FGF12: variants seen among roughly 807,000 people sequenced by gnomAD.
The protein encoded by FGF12 is fibroblast growth factor 12, also known as fibroblast growth factor 12B.
FGF12 carries 14 observed loss-of-function variants against 23.6 expected under a neutral mutation model. The ratio of observed to expected loss-of-function variants is 0.59; its 90% confidence interval spans 0.39 to 0.93. The LOEUF is 0.93. FGF12 is among the 40% of genes least tolerant of loss of function. The probability of loss-of-function intolerance (pLI) is 0.00; values close to 1 mark genes in which losing one functional copy is unlikely to be tolerated. For synonymous variants in FGF12, 62 were observed against 77.3 expected, an observed-to-expected ratio of 0.80 and a Z score of 1.04; for missense variants, 175 against 217.8, an observed-to-expected ratio of 0.80 and a Z score of 1.24.
intron 4 of FGF12, among the ~76,000 whole-genome samples, chr3:192,240,737 A>T (rs1308334850): frequency 6.6e-6 from 1 of 152,174 alleles, no homozygotes; most frequent in Non-Finnish European, 1.5e-5. Context: ...GTCAGAAGAC[A>T]TATCTCCCCC....
At chr3:192,507,601 C>T (rs760608316) in intron 2 of FGF12, among the ~76,000 whole-genome samples, 25 of 152,140 alleles carry the variant, frequency 1.6e-4, no homozygotes, top group Non-Finnish European at 2.9e-4. Flanking sequence ...CTCCATATTC[C>T]GTACCATGGC....
At chr3:192,483,129 C>G (rs9822300) in intron 2 of FGF12, among the ~76,000 whole-genome samples, 1 of 152,302 alleles carries the variant, frequency 6.6e-6, no homozygotes, top group Admixed American at 6.5e-5. Flanking sequence ...CTCAGCACCC[C>G]TTATGTTAGC....
intron 4 of FGF12, among the ~76,000 whole-genome samples, chr3:192,213,526 T>C (rs1430227609): frequency 6.6e-6 from 1 of 152,200 alleles, no homozygotes; most frequent in Admixed American, 6.5e-5. Context: ...TTTTCCACTA[T>C]AGTGATGATG....
chr3:192,582,353 T>A (rs988657176), intron 2 of FGF12, among the ~76,000 whole-genome samples: 1 of 152,166 alleles, frequency 6.6e-6, no homozygotes, highest in Non-Finnish European at 1.5e-5. Context: ...GGAGGGGAAC[T>A]CTAACTGAAA....
At chr3:192,530,573 T>G (rs1476513976) in intron 2 of FGF12, among the ~76,000 whole-genome samples, 1 of 152,214 alleles carries the variant, frequency 6.6e-6, no homozygotes, top group Non-Finnish European at 1.5e-5. Context: ...TATAAAATAT[T>G]TAAGAATTGT....
At chr3:192,599,731 T>G (rs182527005) in intron 2 of FGF12, among the ~76,000 whole-genome samples, 64 of 152,114 alleles carry the variant, frequency 4.2e-4, no homozygotes, top group Non-Finnish European at 8.5e-4. Flanking sequence ...AGAGAATGAC[T>G]GTGCTTTCAT....
chr3:192,567,194 G>A (rs1445145041), intron 2 of FGF12, among the ~76,000 whole-genome samples: 2 of 152,124 alleles, frequency 1.3e-5, no homozygotes, highest in African/African-American at 4.8e-5. Flanking sequence ...TCAAAACTTT[G>A]TCGTTGTTTC....
intron 2 of FGF12, among the ~76,000 whole-genome samples, chr3:192,704,881 T>C (rs182094154): frequency 1.3e-5 from 2 of 152,258 alleles, no homozygotes; most frequent in African/African-American, 2.4e-5. Context: ...GTTACAAAGA[T>C]GGCTTCTTTC....
intron 2 of FGF12, among the ~76,000 whole-genome samples, chr3:192,559,779 T>C (rs1711935860): frequency 6.6e-6 from 1 of 152,032 alleles, no homozygotes; most frequent in South Asian, 2.1e-4. Context: ...AGACACTCTC[T>C]GTACTTTCCA....
At chr3:192,455,394 C>A (rs1722649850) in intron 2 of FGF12, among the ~76,000 whole-genome samples, 1 of 152,124 alleles carries the variant, frequency 6.6e-6, no homozygotes, top group African/African-American at 2.4e-5. Flanking sequence ...GGACCCAAAT[C>A]TTATGTGGAA....
chr3:192,417,249 C>T (rs955450524), intron 2 of FGF12, among the ~76,000 whole-genome samples: 3 of 151,410 alleles, frequency 2.0e-5, no homozygotes, highest in South Asian at 2.1e-4. Flanking sequence ...AGGAAATAGC[C>T]GTAACTGGCC....
chr3:192,669,200 T>C (rs1034148910), intron 2 of FGF12, among the ~76,000 whole-genome samples: 3 of 151,960 alleles, frequency 2.0e-5, no homozygotes, highest in Admixed American at 1.3e-4. Context: ...TGATAGAAAA[T>C]GCAAAACATG....
chr3:192,307,536 C>T (rs995106984), intron 4 of FGF12, among the ~76,000 whole-genome samples: 1 of 152,102 alleles, frequency 6.6e-6, no homozygotes, highest in Non-Finnish European at 1.5e-5. Flanking sequence ...ATAGCAGAGA[C>T]AGAACTGGCA....
At chr3:192,381,698 GA>G (rs765577288) in intron 2 of FGF12, among the ~76,000 whole-genome samples, 1 of 152,052 alleles carries the variant, frequency 6.6e-6, no homozygotes, top group Non-Finnish European at 1.5e-5. Flanking sequence ...GTACGTGTCA[GA>G]AAAAATGAGG....
At chr3:192,378,861 A>G (rs775625252) in intron 2 of FGF12, among the ~76,000 whole-genome samples, 3 of 152,110 alleles carry the variant, frequency 2.0e-5, no homozygotes, top group Non-Finnish European at 4.4e-5. Flanking sequence ...TCACCCAGGT[A>G]CTAAGCCTAG....
At chr3:192,653,118 A>G (rs1310707018) in intron 2 of FGF12, among the ~76,000 whole-genome samples, 2 of 152,170 alleles carry the variant, frequency 1.3e-5, no homozygotes, top group Non-Finnish European at 2.9e-5. Context: ...GGGAACACCT[A>G]TGTCATATTT....
chr3:192,198,876 T>C (rs1007465092), intron 4 of FGF12, among the ~76,000 whole-genome samples: 2 of 152,248 alleles, frequency 1.3e-5, no homozygotes, highest in Non-Finnish European at 2.9e-5. Flanking sequence ...CAGCTCTTAG[T>C]GGCTTTTAAG....
intron 2 of FGF12, among the ~76,000 whole-genome samples, chr3:192,695,427 G>C (rs1226104750): frequency 6.6e-6 from 1 of 152,114 alleles, no homozygotes; most frequent in Non-Finnish European, 1.5e-5. Flanking sequence ...TTATCATTTT[G>C]CATGTACATA....
intron 2 of FGF12, among the ~76,000 whole-genome samples, chr3:192,695,163 C>G (rs536924083): frequency 6.6e-6 from 1 of 152,164 alleles, no homozygotes; most frequent in South Asian, 2.1e-4. Context: ...AAAACAAAAG[C>G]ATATTTATCT....
Sources: allele counts gnomAD v4.1 joint callset (sites outside exome capture counted in the v4.1 genomes callset), GRCh38; gene constraint gnomAD v4.1.1; transcripts MANE v1.5; gene names NCBI Gene and HGNC (gene_info 2026-07-23, HGNC 2026-07-21).